Variants in CEP83 observed in about 807,000 individuals in gnomAD.
CEP83 encodes the protein centrosomal protein of 83 kDa.
In CEP83, 70 loss-of-function variants were observed where a neutral mutation model predicts 101.9. The observed-to-expected ratio is 0.69, with a 90% CI of 0.57 to 0.84. The LOEUF (loss-of-function observed/expected upper bound fraction) is 0.84, where lower values mean the gene tolerates loss of function less well. Among genes scored for constraint, CEP83 ranks in the 40% least tolerant of loss-of-function variants. The pLI is 0.00. For synonymous variants in CEP83, 264 were observed against 267.9 expected (o/e 0.99, Z 0.14); for missense variants, 715 against 787.2 (o/e 0.91, Z 1.10).
intron 14 of CEP83, among the ~76,000 whole-genome samples, chr12:94,323,164 G>C (rs1282168437): frequency 2.0e-5 from 3 of 152,146 alleles, no homozygotes; most frequent in Non-Finnish European, 4.4e-5. Flanking sequence ...GACTGTCACT[G>C]CTCTATCCCC....
the CEP83 span, among the ~76,000 whole-genome samples, chr12:94,284,520 T>C: frequency 6.6e-6 from 1 of 152,128 alleles, no homozygotes; most frequent in Non-Finnish European, 1.5e-5. Context: ...TGTTCACCTT[T>C]CAGATGTCTT....
At chr12:94,434,936 T>C (rs531375493) in intron 2 of CEP83, among the ~76,000 whole-genome samples, 64 of 152,320 alleles carry the variant, frequency 4.2e-4, no homozygotes, top group African/African-American at 1.0e-3. Context: ...TTTCAGAGCA[T>C]TCTGGATTAT....
At chr12:94,433,665 A>G (rs562481507) in intron 2 of CEP83, among the ~76,000 whole-genome samples, 13 of 151,272 alleles carry the variant, frequency 8.6e-5, no homozygotes, top group Middle Eastern at 3.4e-3. Context: ...CTGGGTGACG[A>G]GGTGAGACCC....
At chr12:94,430,933 C>G (rs1227224579) in intron 2 of CEP83, among the ~76,000 whole-genome samples, 1 of 152,098 alleles carries the variant, frequency 6.6e-6, no homozygotes, top group Non-Finnish European at 1.5e-5. Context: ...TCTATGCAAA[C>G]AGAAACTAAA....
chr12:94,267,449 T>G, the CEP83 span, among the ~76,000 whole-genome samples: 1 of 152,234 alleles, frequency 6.6e-6, no homozygotes, highest in African/African-American at 2.4e-5. Context: ...AAGGAATTCA[T>G]GTCGACTCTT....
At chr12:94,422,202 T>A (rs1054420455) in intron 2 of CEP83, among the ~76,000 whole-genome samples, 2 of 152,238 alleles carry the variant, frequency 1.3e-5, no homozygotes, top group Non-Finnish European at 2.9e-5. Flanking sequence ...AAGAACAGAA[T>A]GTGAAGTCCC....
rs563542342 is a variant in CEP83 at position 94,362,411 on chromosome 12, A to C, written c.1343+5383T>G. Among the ~76,000 whole-genome samples the C allele has an allele frequency of 1.4e-4, 21 of 152,238 alleles. No homozygotes were observed. In the South Asian group the frequency reaches 4.3e-3, roughly 32 times the overall value. ...AAGGCAGGTGGATCACTTGAGGTCA[A>C]GAGTTGGAGACCAGCCTGGCCAACA... On this transcript the variant is annotated intron_variant, in intron 11 of 16. Transcript: ENST00000397809.
In CEP83 at chr12:94,411,925, ACACC is replaced by A. The variant is rs2137787290; in HGVS notation, c.174-82_174-79del. The A allele has an allele frequency of 2.6e-6, 3 of 1,147,240 alleles. No individual in the cohort carries two copies. In the African/African-American group the frequency reaches 4.6e-5, roughly 18 times the overall value. The allele number at this position is 1,147,240 out of a possible 1,614,324, so 71.1% of individuals were successfully genotyped here. A position where few individuals can be genotyped will look rare whatever the true frequency, so the allele number is the denominator to read the frequency against. On this transcript the variant is annotated intron_variant, in intron 3 of 16. Transcript: ENST00000397809. ...GCATTACTTTATGTAAAGTCAATCA[ACACC>A]ACAGAAAAACAAGACCAATATCACA...
chr12:94,450,508 C>T (rs1436851761), intron 1 of CEP83, among the ~76,000 whole-genome samples: 1 of 152,164 alleles, frequency 6.6e-6, no homozygotes, highest in Non-Finnish European at 1.5e-5. Context: ...TGCCTTGGAT[C>T]CCAAAGTGCT....
At chr12:94,362,622 G>A (rs962703112) in intron 11 of CEP83, among the ~76,000 whole-genome samples, 2 of 152,270 alleles carry the variant, frequency 1.3e-5, no homozygotes, top group South Asian at 4.1e-4. Flanking sequence ...AGGTGACAGA[G>A]TGAGACCCTG....
At chr12:94,440,331 G>A (rs373897101) in intron 1 of CEP83, among the ~76,000 whole-genome samples, 31 of 152,088 alleles carry the variant, frequency 2.0e-4, no homozygotes, top group African/African-American at 5.1e-4. Flanking sequence ...AAATGAATTC[G>A]GCAAAGTTTT....
the CEP83 span, among the ~76,000 whole-genome samples, chr12:94,285,953 G>T: frequency 6.6e-6 from 1 of 152,158 alleles, no homozygotes; most frequent in Non-Finnish European, 1.5e-5. Context: ...CAGGGGATGG[G>T]GCTACCCACT....
At chr12:94,403,352 G>T in intron 4 of CEP83, 90 bp from the exon 5 acceptor site, 2 of 611,026 alleles carry the variant, frequency 3.3e-6, no homozygotes, top group South Asian at 2.2e-5. Flanking sequence ...TTATGACAAT[G>T]GAATTCATGA....
At chr12:94,379,139 A>G in intron 6 of CEP83, 97 bp from the exon 7 acceptor site, 4 of 1,076,976 alleles carry the variant, frequency 3.7e-6, no homozygotes, top group Non-Finnish European at 5.3e-6. Context: ...AATGCACAAA[A>G]TCAAAGCTCA....
At position 94,459,642 on chromosome 12, in the gene CEP83, C is replaced by T. The variant is rs2138721542; in HGVS notation, c.-240G>A. 1 of 153,260 alleles carries T rather than the reference C, an allele frequency of 6.5e-6. No homozygotes were observed. 9.5% of individuals were successfully genotyped at this position (153,260 alleles called of 1,614,324 possible). A position where few individuals can be genotyped will look rare whatever the true frequency, so the allele number is the denominator to read the frequency against. ...CCGCGCTCGCCACCGGGGACACCTC[C>T]ACAGCTCCAACCACAGGCACCCACT... On this transcript the variant is annotated 5_prime_UTR_variant, in exon 1 of 17. Transcript: ENST00000397809.
intron 14 of CEP83, chr12:94,328,245 G>A: frequency 3.0e-6 from 1 of 335,358 alleles, no homozygotes; most frequent in South Asian, 2.4e-5. Context: ...GGGGGTGGGG[G>A]GAATACACTC....
intron 11 of CEP83, among the ~76,000 whole-genome samples, chr12:94,355,046 T>C (rs1419839423): frequency 6.7e-6 from 1 of 149,960 alleles, no homozygotes; most frequent in Non-Finnish European, 1.5e-5. Flanking sequence ...TAAAAACAAA[T>C]AAATAAAAAT....
At chr12:94,295,995 C>T in the CEP83 span, among the ~76,000 whole-genome samples, 1 of 152,228 alleles carries the variant, frequency 6.6e-6, no homozygotes, top group African/African-American at 2.4e-5. Context: ...TGCTTGTAGG[C>T]TGACCTTCTT....
chr12:94,394,119 C>A (rs1030366044), intron 6 of CEP83, among the ~76,000 whole-genome samples: 11 of 152,328 alleles, frequency 7.2e-5, no homozygotes, highest in African/African-American at 2.4e-4. Context: ...TTGGAAAAAA[C>A]TACTTTAAAG....
Sources: allele counts gnomAD v4.1 joint callset (sites outside exome capture counted in the v4.1 genomes callset), GRCh38; gene constraint gnomAD v4.1.1; transcripts MANE v1.5; gene names NCBI Gene and HGNC (gene_info 2026-07-23, HGNC 2026-07-21).